The following HEATR9 variants were observed in gnomAD, a reference collection of about 807,000 sequenced individuals.
HEATR9 encodes the protein HEAT repeat containing 9.
In HEATR9, 54 loss-of-function variants were observed where a neutral mutation model predicts 68.2. The ratio of observed to expected loss-of-function variants is 0.79; its 90% CI spans 0.64 to 0.99. The LOEUF is 0.99. Among genes scored for constraint, HEATR9 ranks in the 50% least tolerant of loss-of-function variants. The pLI, the probability that HEATR9 is intolerant of heterozygous loss-of-function variation, is 0.00. For synonymous variants in HEATR9, 241 were observed against 253.5 expected, an observed-to-expected ratio of 0.95 and a Z score of 0.47; for missense variants, 662 against 679.7, an observed-to-expected ratio of 0.97 and a Z score of 0.29.
chr17:35,864,455 T>C, intron 5 of HEATR9, 42 bp downstream of exon 5: 1 of 1,605,624 alleles, frequency 6.2e-7, no homozygotes, highest in African/African-American at 1.3e-5. Context: ...CTTGGCCAAC[T>C]CCTGGCTGTA....
intron 11 of HEATR9, among the ~76,000 whole-genome samples, chr17:35,857,560 C>T (rs1408054674): frequency 6.6e-6 from 1 of 152,032 alleles, no homozygotes; most frequent in East Asian, 1.9e-4. Flanking sequence ...GAGATCGAGC[C>T]CATCCTGGCT....
intron 6 of HEATR9, 145 bp from the exon 7 acceptor site, chr17:35,863,704 C>T (rs1219094993): frequency 1.4e-5 from 11 of 813,258 alleles, no homozygotes; most frequent in Admixed American, 2.2e-5. Context: ...ATACAGAATA[C>T]AGCCAAAATG....
Position 35,868,672 on chromosome 17 carries a change from T to A in HEATR9, c.71A>T (p.Tyr24Phe). 1.2e-6 allele frequency: 2 copies of A among 1,614,130 alleles called. No individual in the cohort carries two copies. The highest frequency in any genetic ancestry group is 1.7e-6 in the Non-Finnish European group (2 of 1,179,954). The change falls in exon 1 of 15, where the codon TAT becomes TTT. Residue 24 changes from tyrosine to phenylalanine, a missense_variant. Transcript: ENST00000604834. ...AGCCTCACCTTTGGTCTTGTCTGGA[T>A]ATTCCAGCCATGGGTACAGGAACAT... ...RSMFLYPWLE[Y>F]PDKTKELRKA...
At chr17:35,859,188 A>G (rs987216915) in intron 8 of HEATR9, 118 bp from the exon 9 acceptor site, 10 of 914,424 alleles carry the variant, frequency 1.1e-5, no homozygotes, top group Non-Finnish European at 1.7e-5. Flanking sequence ...GATTATTTCA[A>G]CCAATTAACT....
At chr17:35,856,371 AGG>A (rs2087771586) in intron 12 of HEATR9, 147 bp from the exon 13 acceptor site, 1 of 1,575,370 alleles carries the variant, frequency 6.3e-7, no homozygotes. Flanking sequence ...GGATCAGAAA[AGG>A]GGCAGGGAGA....
chr17:35,856,057 A>G, intron 13 of HEATR9, 116 bp downstream of exon 13: 2 of 1,197,926 alleles, frequency 1.7e-6, no homozygotes, highest in Non-Finnish European at 2.4e-6. Context: ...GAATTCTAAA[A>G]TAAACAACTT....
intron 8 of HEATR9, among the ~76,000 whole-genome samples, chr17:35,860,075 G>A (rs1471337869): frequency 2.0e-5 from 3 of 152,050 alleles, no homozygotes; most frequent in Non-Finnish European, 2.9e-5. Flanking sequence ...ATCTCTTCTC[G>A]CCTATTTAAG....
At position 35,858,945 on chromosome 17, in the gene HEATR9, C is replaced by T; in HGVS notation, c.882G>A (p.Met294Ile). 1 of 1,614,160 alleles carries T rather than the reference C, an allele frequency of 6.2e-7. No individual in the cohort carries two copies. Among genetic ancestry groups the T allele is most frequent in the South Asian group, 1.1e-5 (1 of 91,084 alleles). Reference protein sequence around the residue: ...CLGFLRPCSNMVQEFLLQCLC... With the variant: ...CLGFLRPCSNIVQEFLLQCLC... ...GGCACTGCAACAAGAACTCTTGGAC[C>T]ATGTTGCTGCAAGGCCTCAGGAAAC... The change falls in exon 9 of 15, where the codon ATG becomes ATA. Residue 294 changes from methionine to isoleucine, a missense_variant. Met to Ile is a conservative substitution (Grantham distance 10). Coordinates refer to ENST00000604834, the MANE Select transcript of HEATR9 (RefSeq NM_152781.4).
chr17:35,856,451 CT>C, intron 12 of HEATR9: 1 of 1,278,514 alleles, frequency 7.8e-7, no homozygotes, highest in Non-Finnish European at 1.1e-6. Flanking sequence ...GAAATTTTAT[CT>C]TTTTAAAAAA....
chr17:35,865,053 G>C (rs115183178), intron 3 of HEATR9, among the ~76,000 whole-genome samples, 162 bp downstream of exon 3: 1 of 151,936 alleles, frequency 6.6e-6, no homozygotes, highest in African/African-American at 2.4e-5. Context: ...GAGCCGAGCC[G>C]GCCGAGCCAG....
chr17:35,857,251 C>G (rs1214316291), intron 11 of HEATR9, among the ~76,000 whole-genome samples: 1 of 152,006 alleles, frequency 6.6e-6, no homozygotes, highest in Non-Finnish European at 1.5e-5. Context: ...CTCTAATTAC[C>G]CTGGGACAAC....
chr17:35,857,529 G>A (rs1294530897), intron 11 of HEATR9, among the ~76,000 whole-genome samples: 1 of 152,174 alleles, frequency 6.6e-6, no homozygotes, highest in Non-Finnish European at 1.5e-5. Flanking sequence ...GGAGGCCGAG[G>A]TGGGCAGATC....
At chr17:35,856,503 T>C in intron 12 of HEATR9, 1 of 839,194 alleles carries the variant, frequency 1.2e-6, no homozygotes, top group Non-Finnish European at 1.9e-6. Flanking sequence ...TAGCAACCTA[T>C]ACCTAACCTT....
chr17:35,864,219 C>A, intron 6 of HEATR9, 27 bp downstream of exon 6: 1 of 1,591,578 alleles, frequency 6.3e-7, no homozygotes, highest in South Asian at 1.1e-5. Flanking sequence ...TCCTTCTTTC[C>A]TGAACTCCAG....
In HEATR9 at chr17:35,868,741, ATCT is replaced by A. The variant is rs1295354237; in HGVS notation, c.-2_1del. 8 of 1,613,988 alleles carry A rather than the reference ATCT, an allele frequency of 5.0e-6. No individual in the cohort carries two copies. The highest frequency in any genetic ancestry group is 4.5e-5 in the East Asian group (2 of 44,888). On this transcript the variant is annotated start_lost and start_retained_variant and 5_prime_UTR_variant, in exon 1 of 15. Transcript: ENST00000604834. The stretch of plus-strand genomic sequence containing the variant: ...GATATCAGTTGATTTTTCATAGGCC[ATCT>A]TCTTCTCCTGGTGGGGCCAGAGGGA...
chr17:35,857,627 C>T (rs531549474), intron 11 of HEATR9, among the ~76,000 whole-genome samples: 3 of 151,882 alleles, frequency 2.0e-5, no homozygotes, highest in Non-Finnish European at 4.4e-5. Context: ...GGCGTGGTTG[C>T]GGGCGCCTGT....
At position 35,855,628 on chromosome 17, in the gene HEATR9, A is replaced by C. The variant is rs774876556; in HGVS notation, c.1365+36T>G. On this transcript the variant is annotated intron_variant, in intron 14 of 14. Transcript: ENST00000604834. Reference sequence around the variant, plus strand: ...TGGGAGAAGCTTGAAGGAGGGCTAGAGAAGAGGAAGAAGTGGGCAGGAACG... The same window carrying C: ...TGGGAGAAGCTTGAAGGAGGGCTAGCGAAGAGGAAGAAGTGGGCAGGAACG... 3.2e-6 allele frequency: 5 copies of C among 1,585,992 alleles called. No homozygotes were observed. The Admixed American group carries it at 5.0e-5, about 16-fold the overall frequency.
intron 7 of HEATR9, 85 bp from the exon 8 acceptor site, chr17:35,863,210 C>CG: frequency 6.4e-7 from 1 of 1,570,760 alleles, no homozygotes; most frequent in South Asian, 1.1e-5. Flanking sequence ...ACTGTGCCAT[C>CG]GAGACCTAAG....
At position 35,864,903 on chromosome 17, in the gene HEATR9, T is replaced by C. The variant is rs768306102; in HGVS notation, c.321-13A>G. On this transcript the variant is annotated splice_polypyrimidine_tract_variant and intron_variant, in intron 3 of 14. Transcript: ENST00000604834. Reference sequence around the variant, plus strand: ...CTCTTTGATGTACCTGTGTGAGAAATTGCATAGGCAGCTTTGGTCCCTTTG... The same window carrying C: ...CTCTTTGATGTACCTGTGTGAGAAACTGCATAGGCAGCTTTGGTCCCTTTG... 1.2e-6 allele frequency: 2 copies of C among 1,614,050 alleles called. No individual in the cohort carries two copies.
Sources: allele counts gnomAD v4.1 joint callset (sites outside exome capture counted in the v4.1 genomes callset), GRCh38; gene constraint gnomAD v4.1.1; transcripts MANE v1.5; gene names NCBI Gene and HGNC (gene_info 2026-07-23, HGNC 2026-07-21).